Variants in ROBO2 observed in about 807,000 individuals in gnomAD.
ROBO2 encodes roundabout guidance receptor 2.
In ROBO2, 53 loss-of-function variants were observed where a neutral mutation model predicts 160.8. The ratio of observed to expected loss-of-function variants is 0.33; its 90% CI spans 0.26 to 0.41. The LOEUF (loss-of-function observed/expected upper bound fraction) is 0.41, where lower values mean the gene tolerates loss of function less well. ROBO2 is among the 10% of genes least tolerant of loss of function. The probability of loss-of-function intolerance (pLI) is 1.00; values close to 1 mark genes in which losing one functional copy is unlikely to be tolerated. For missense variants in ROBO2, 1,577 were observed against 1,722.4 expected (o/e 0.92, Z 1.49); for synonymous variants, 664 against 611.7 (o/e 1.09, Z -1.26).
chr3:76,156,695 C>T (rs1201991783), intron 2 of ROBO2, among the ~76,000 whole-genome samples: 1 of 152,218 alleles, frequency 6.6e-6, no homozygotes. Flanking sequence ...TTGCTGGGCG[C>T]AGTGGCTCGC....
chr3:76,016,800 A>G (rs2066418271), intron 2 of ROBO2, among the ~76,000 whole-genome samples: 1 of 152,114 alleles, frequency 6.6e-6, no homozygotes, highest in African/African-American at 2.4e-5. Context: ...GGTATTTTAA[A>G]TATGTGCCAG....
At chr3:76,320,498 A>G (rs1316194041) in intron 2 of ROBO2, among the ~76,000 whole-genome samples, 4 of 152,192 alleles carry the variant, frequency 2.6e-5, no homozygotes, top group Non-Finnish European at 5.9e-5. Context: ...ATCAATGTCA[A>G]AAACTCTGTC....
chr3:77,559,611 A>T (rs2093254032), intron 9 of ROBO2, among the ~76,000 whole-genome samples: 1 of 152,122 alleles, frequency 6.6e-6, no homozygotes, highest in African/African-American at 2.4e-5. Flanking sequence ...CTAAAAAGAA[A>T]GGCAAAAATT....
chr3:76,511,148 C>T (rs2081064764), intron 2 of ROBO2, among the ~76,000 whole-genome samples: 1 of 152,190 alleles, frequency 6.6e-6, no homozygotes, highest in South Asian at 2.1e-4. Context: ...GCTGACGAGA[C>T]ACCCTCTACA....
At chr3:77,462,182 A>T (rs2082316027) in intron 2 of ROBO2, among the ~76,000 whole-genome samples, 1 of 152,246 alleles carries the variant, frequency 6.6e-6, no homozygotes, top group Non-Finnish European at 1.5e-5. Context: ...ACTAAAACAC[A>T]GTTAGTAATA....
chr3:76,168,548 T>C (rs2072919904), intron 2 of ROBO2, among the ~76,000 whole-genome samples: 1 of 152,158 alleles, frequency 6.6e-6, no homozygotes, highest in Non-Finnish European at 1.5e-5. Flanking sequence ...GTTTGGGGGC[T>C]ACAACTTTGT....
chr3:76,049,657 C>A (rs1216871050), intron 2 of ROBO2, among the ~76,000 whole-genome samples: 1 of 151,662 alleles, frequency 6.6e-6, no homozygotes, highest in Non-Finnish European at 1.5e-5. Flanking sequence ...ACAGAAGCAC[C>A]TCCTCTTAAT....
chr3:76,047,606 T>A (rs2067493294), intron 2 of ROBO2, among the ~76,000 whole-genome samples: 1 of 152,228 alleles, frequency 6.6e-6, no homozygotes, highest in Admixed American at 6.5e-5. Context: ...ATGACAAGCC[T>A]CAGCGATAAT....
chr3:76,469,348 T>C (rs1271596983), intron 2 of ROBO2, among the ~76,000 whole-genome samples: 1 of 152,102 alleles, frequency 6.6e-6, no homozygotes, highest in Non-Finnish European at 1.5e-5. Context: ...AATCCTAATA[T>C]AAACTCTTGT....
chr3:76,760,688 G>A (rs1234085064), intron 2 of ROBO2, among the ~76,000 whole-genome samples: 2 of 148,374 alleles, frequency 1.3e-5, no homozygotes, highest in Non-Finnish European at 3.0e-5. Context: ...GAAATGAATG[G>A]ATTAGCAGTA....
intron 1 of ROBO2, among the ~76,000 whole-genome samples, chr3:77,051,738 G>A (rs2065248245): frequency 6.6e-6 from 1 of 152,190 alleles, no homozygotes; most frequent in Non-Finnish European, 1.5e-5. Context: ...AGGAGGTTAT[G>A]CCTAATCTTT....
intron 2 of ROBO2, among the ~76,000 whole-genome samples, chr3:76,738,520 C>T (rs1428224984): frequency 6.6e-6 from 1 of 152,130 alleles, no homozygotes; most frequent in Non-Finnish European, 1.5e-5. Flanking sequence ...CCAGACATCG[C>T]CACTTGTCCC....
At chr3:76,771,350 A>G (rs1331541779) in intron 2 of ROBO2, among the ~76,000 whole-genome samples, 4 of 151,344 alleles carry the variant, frequency 2.6e-5, no homozygotes, top group Admixed American at 1.3e-4. Context: ...GTCCTTTTAA[A>G]TATGGCTACT....
intron 2 of ROBO2, among the ~76,000 whole-genome samples, chr3:76,177,937 C>A (rs1455022473): frequency 3.3e-5 from 5 of 152,046 alleles, no homozygotes; most frequent in African/African-American, 4.8e-5. Context: ...GGTAATTTGG[C>A]ACATTTCTAC....
intron 2 of ROBO2, among the ~76,000 whole-genome samples, chr3:77,236,873 C>A (rs2088070634): frequency 6.6e-6 from 1 of 152,112 alleles, no homozygotes; most frequent in African/African-American, 2.4e-5. Flanking sequence ...GGCTTGATAA[C>A]CATTCCTTTG....
intron 2 of ROBO2, among the ~76,000 whole-genome samples, chr3:77,453,276 C>T (rs1262711590): frequency 6.6e-6 from 1 of 152,112 alleles, no homozygotes; most frequent in Non-Finnish European, 1.5e-5. Flanking sequence ...ACTTTCTCAT[C>T]ACTGCAGTTG....
intron 2 of ROBO2, among the ~76,000 whole-genome samples, chr3:76,111,217 G>A (rs1479039082): frequency 6.6e-6 from 1 of 152,118 alleles, no homozygotes; most frequent in East Asian, 1.9e-4. Context: ...TAAGACACAG[G>A]GACACACAGG....
intron 2 of ROBO2, among the ~76,000 whole-genome samples, chr3:76,665,899 T>A (rs1449664056): frequency 1.7e-5 from 2 of 117,038 alleles, no homozygotes; most frequent in Admixed American, 2.0e-4. Context: ...ATATACATAT[T>A]ATATATAATA....
At chr3:77,483,553 T>G (rs947033904) in intron 4 of ROBO2, among the ~76,000 whole-genome samples, 1 of 151,760 alleles carries the variant, frequency 6.6e-6, no homozygotes, top group Non-Finnish European at 1.5e-5. Context: ...CAATTTTATT[T>G]TCATGGAGCA....
Sources: allele counts gnomAD v4.1 joint callset (sites outside exome capture counted in the v4.1 genomes callset), GRCh38; gene constraint gnomAD v4.1.1; transcripts MANE v1.5; gene names NCBI Gene and HGNC (gene_info 2026-07-23, HGNC 2026-07-21).